MNS1: variants seen among roughly 807,000 people sequenced by gnomAD.
The protein encoded by MNS1 is meiosis-specific nuclear structural protein 1.
Under a neutral mutation model 72.0 loss-of-function variants are expected in MNS1, and 63 were observed. That is an observed-to-expected ratio of 0.87 (90% CI 0.71 to 1.08). MNS1 has a LOEUF of 1.08. Among genes scored for constraint, MNS1 ranks in the 50% least tolerant of loss-of-function variants. The pLI, the probability that MNS1 is intolerant of heterozygous loss-of-function variation, is 0.00. For synonymous variants in MNS1, 188 were observed against 172.1 expected (o/e 1.09, Z -0.72); for missense variants, 604 against 562.4 (o/e 1.07, Z -0.75).
chr15:56,441,166 T>G (rs1308429881), intron 7 of MNS1, among the ~76,000 whole-genome samples: 1 of 152,182 alleles, frequency 6.6e-6, no homozygotes, highest in Non-Finnish European at 1.5e-5. Flanking sequence ...AGAAATATAT[T>G]GTTTAATTAT....
chr15:56,464,148 T>G lies in MNS1; in HGVS notation c.103A>C (p.Asn35His). ...KLHVQALKNVNSQIRNQMVQN... is the reference protein window; with the variant it reads ...KLHVQALKNVHSQIRNQMVQN... Reference sequence around the variant, plus strand: ...ACCATTTGATTCCTGATTTGACTGTTGACGTTTTTTAGAGCTTGGACATGT... The same window carrying G: ...ACCATTTGATTCCTGATTTGACTGTGGACGTTTTTTAGAGCTTGGACATGT... The change falls in exon 2 of 10, where the codon AAC (asparagine) becomes CAC (histidine). Residue 35 changes from asparagine (N) to histidine (H), a missense_variant. By Grantham distance (68) the Asn-to-His change is moderately conservative (BLOSUM62 1). Transcript: ENST00000260453. 6.2e-7 allele frequency: 1 copy of G among 1,614,164 alleles called. No individual in the cohort carries two copies. The highest frequency in any genetic ancestry group is 8.5e-7 in the Non-Finnish European group (1 of 1,180,010).
chr15:56,464,311 A>C, intron 1 of MNS1, 64 bp from the exon 2 acceptor site: 1 of 1,178,638 alleles, frequency 8.5e-7, no homozygotes, highest in South Asian at 1.5e-5. Flanking sequence ...TAAAAAATGT[A>C]TTGATATAAA....
chr15:56,454,904 T>C (rs1051538225), intron 3 of MNS1, among the ~76,000 whole-genome samples: 4 of 152,200 alleles, frequency 2.6e-5, no homozygotes, highest in Admixed American at 2.0e-4. Flanking sequence ...TTCTGTATTA[T>C]TGAAGTAAAA....
chr15:56,461,801 T>A (rs2051023377), intron 2 of MNS1, among the ~76,000 whole-genome samples: 2 of 151,764 alleles, frequency 1.3e-5, no homozygotes, highest in African/African-American at 4.8e-5. Context: ...AAGGTATTTT[T>A]AAAAAGAGAC....
At chr15:56,456,852 T>C (rs2050984729) in intron 2 of MNS1, among the ~76,000 whole-genome samples, 1 of 152,134 alleles carries the variant, frequency 6.6e-6, no homozygotes, top group Non-Finnish European at 1.5e-5. Flanking sequence ...GCTAGGGTGT[T>C]TTAAAACAAT....
chr15:56,455,223 A>C (rs1198885724), intron 3 of MNS1, among the ~76,000 whole-genome samples: 1 of 145,014 alleles, frequency 6.9e-6, no homozygotes. Context: ...GGAATTAGAG[A>C]TAAGAAATAG....
At position 56,434,183 on chromosome 15, in the gene MNS1, C is replaced by T; in HGVS notation, c.1224G>A (p.Val408=). The T allele has an allele frequency of 1.9e-6, 3 of 1,613,662 alleles. No individual in the cohort carries two copies. Among genetic ancestry groups the T allele is most frequent in the Admixed American group, 1.7e-5 (1 of 59,976 alleles). ...GGCGACGCTCTTCAATAAGTTTTTC[C>T]ACAGCCCTCCTGTGTTCCAGCTGCT... The part of the protein sequence containing the change: ...RMKQLEHRRA[V]EKLIEERRQQ... The change falls in exon 8 of 10, where the codon GTG becomes GTA. Residue 408 remains valine (V), a synonymous_variant. Coordinates refer to ENST00000260453, the MANE Select transcript of MNS1 (RefSeq NM_018365.4).
At chr15:56,453,976 G>C (rs1433292678) in intron 3 of MNS1, among the ~76,000 whole-genome samples, 1 of 152,122 alleles carries the variant, frequency 6.6e-6, no homozygotes, top group Non-Finnish European at 1.5e-5. Flanking sequence ...GCAGTTCCCT[G>C]AATTTAGACA....
chr15:56,462,020 G>T (rs1459021306), intron 2 of MNS1, among the ~76,000 whole-genome samples: 1 of 142,558 alleles, frequency 7.0e-6, no homozygotes, highest in African/African-American at 2.6e-5. Context: ...TGTGGGGTGG[G>T]GGCAGGGGAA....
At chr15:56,445,544 C>A (rs1435163322) in intron 4 of MNS1, 1 of 151,920 alleles carries the variant, frequency 6.6e-6, no homozygotes, top group Non-Finnish European at 1.5e-5. Context: ...TATGACTTGA[C>A]CAAAAATGTT....
At position 56,431,484 on chromosome 15, in the gene MNS1, T is replaced by C. The variant is rs563140231; in HGVS notation, c.1284A>G (p.Glu428=). 4 of 1,613,714 alleles carry C rather than the reference T, an allele frequency of 2.5e-6. No individual in the cohort carries two copies. The highest frequency in any genetic ancestry group is 2.7e-5 in the African/African-American group (2 of 75,034). ...QFLADKQREL[E]EWQLQQRRQG... ...GCCGCCTTTGCTGCAACTGCCACTC[T>C]TCTAGTTCACGTTGCTGGAAATGCA... Residue 428 remains glutamate (E), a synonymous_variant, in exon 9 of 10, where the codon GAA becomes GAG. Coordinates refer to ENST00000260453, the MANE Select transcript of MNS1 (RefSeq NM_018365.4).
At chr15:56,456,611 G>A in intron 2 of MNS1, 90 bp from the exon 3 acceptor site, 1 of 1,267,756 alleles carries the variant, frequency 7.9e-7, no homozygotes, top group Non-Finnish European at 1.1e-6. Flanking sequence ...AAAACTAAAT[G>A]CCTTAAGGCC....
chr15:56,462,800 A>G (rs1017217021), intron 2 of MNS1, among the ~76,000 whole-genome samples: 1 of 152,236 alleles, frequency 6.6e-6, no homozygotes, highest in Non-Finnish European at 1.5e-5. Flanking sequence ...TAATAGTATT[A>G]TGGTACTCCA....
intron 7 of MNS1, among the ~76,000 whole-genome samples, chr15:56,442,866 A>AC (rs1567150750): frequency 1.3e-5 from 2 of 152,024 alleles, no homozygotes; most frequent in Non-Finnish European, 2.9e-5. Flanking sequence ...ACAAACCAGC[A>AC]CATGTACCTC....
At chr15:56,438,910 C>T (rs1287187628) in intron 7 of MNS1, among the ~76,000 whole-genome samples, 1 of 152,112 alleles carries the variant, frequency 6.6e-6, no homozygotes, top group Non-Finnish European at 1.5e-5. Context: ...CTACTCTCAT[C>T]ACTCTTCTTC....
At chr15:56,432,141 A>G (rs1011230420) in intron 8 of MNS1, among the ~76,000 whole-genome samples, 6 of 152,154 alleles carry the variant, frequency 3.9e-5, no homozygotes, top group Non-Finnish European at 1.5e-5. Flanking sequence ...AAGTTCTGTA[A>G]TGTTACAGGG....
chr15:56,463,105 C>A (rs1319262166), intron 2 of MNS1, among the ~76,000 whole-genome samples: 4 of 152,010 alleles, frequency 2.6e-5, no homozygotes, highest in African/African-American at 9.7e-5. Flanking sequence ...TATCAGAATA[C>A]CTTTTATATA....
intron 2 of MNS1, among the ~76,000 whole-genome samples, chr15:56,459,924 A>T (rs2051005777): frequency 7.1e-6 from 1 of 140,756 alleles, no homozygotes; most frequent in South Asian, 2.4e-4. Context: ...CGGGAGGCAG[A>T]GGTTGTGGTG....
chr15:56,444,308 A>G, intron 5 of MNS1, 136 bp downstream of exon 5: 1 of 668,212 alleles, frequency 1.5e-6, no homozygotes, highest in Non-Finnish European at 2.5e-6. Context: ...GTCCCAATTT[A>G]TGTTTTCATA....
Sources: gnomAD v4.1 joint callset for allele counts (sites outside exome capture counted in the v4.1 genomes callset) on GRCh38, gnomAD v4.1.1 for gene constraint, MANE v1.5 for transcripts, NCBI Gene and HGNC (gene_info 2026-07-23, HGNC 2026-07-21) for gene names.